The following CPAMD8 variants were observed in gnomAD, a reference collection of about 807,000 sequenced individuals.
CPAMD8 encodes C3 and PZP-like alpha-2-macroglobulin domain-containing protein 8.
Under a neutral mutation model 224.7 loss-of-function variants are expected in CPAMD8, and 146 were observed. That is an observed-to-expected ratio of 0.65 (90% CI 0.57 to 0.75). CPAMD8 has a LOEUF of 0.75. Among genes scored for constraint, CPAMD8 ranks in the 30% least tolerant of loss-of-function variants. The pLI is 0.00. For missense variants in CPAMD8, 2,301 were observed against 2,537.5 expected (o/e 0.91, Z 2.00); for synonymous variants, 966 against 1,044.6 (o/e 0.92, Z 1.45).
intron 3 of CPAMD8, among the ~76,000 whole-genome samples, chr19:17,013,117 G>T (rs1599914838): frequency 6.6e-6 from 1 of 152,074 alleles, no homozygotes; most frequent in African/African-American, 2.4e-5. Context: ...GGAGGCAGAG[G>T]TTGCATTGAG....
chr19:16,953,339 CA>C (rs80093904), intron 19 of CPAMD8, among the ~76,000 whole-genome samples: 28,892 of 94,290 alleles, frequency 0.31, 2,879 homozygotes, highest in Admixed American at 0.37. Context: ...AAGGTACAAG[CA>C]AAAAAAAAAA....
intron 35 of CPAMD8, 53 bp downstream of exon 35, chr19:16,902,596 C>T (rs2052304259): frequency 8.5e-7 from 1 of 1,175,418 alleles, no homozygotes; most frequent in Admixed American, 2.0e-5. Context: ...GCCATCCTCT[C>T]CGCACATTGC....
At chr19:16,920,041 G>A (rs543101913) in intron 27 of CPAMD8, among the ~76,000 whole-genome samples, 15 of 152,322 alleles carry the variant, frequency 9.8e-5, no homozygotes, top group East Asian at 7.7e-4. Context: ...CAGCTTCGGG[G>A]TGGGTGCTGC....
In CPAMD8 at chr19:17,022,494, CT is replaced by C. The variant is rs77770067; in HGVS notation, c.93-314del. ...CAGCTACTTCCTTCTGCCCCAGGAC[CT>C]TTTTTTTTTTTTCTTTTCCTGGAGA... On this transcript the variant is annotated intron_variant, in intron 1 of 41. Coordinates refer to ENST00000443236, the MANE Select transcript of CPAMD8 (RefSeq NM_015692.5). Among the ~76,000 whole-genome samples, 288 of 145,248 alleles carry C rather than the reference CT, an allele frequency of 2.0e-3. 2 individuals are homozygous for C. The highest frequency in any genetic ancestry group is 0.019 in the East Asian group (93 of 4,992).
chr19:16,983,839 C>CT (rs1568561943), intron 13 of CPAMD8, among the ~76,000 whole-genome samples: 1 of 152,056 alleles, frequency 6.6e-6, no homozygotes, highest in African/African-American at 2.4e-5. Context: ...TCTCAATGGC[C>CT]TTTTTTGCAG....
chr19:16,952,246 CATG>C, intron 19 of CPAMD8, 46 bp from the exon 20 acceptor site: 5 of 1,141,770 alleles, frequency 4.4e-6, no homozygotes, highest in Non-Finnish European at 6.4e-6. Flanking sequence ...TCTCCAGGGC[CATG>C]CCTCAGGGGG....
intron 20 of CPAMD8, among the ~76,000 whole-genome samples, chr19:16,950,970 T>A (rs953874603): frequency 6.6e-6 from 1 of 152,036 alleles, no homozygotes; most frequent in African/African-American, 2.4e-5. Context: ...GCTACCTTAC[T>A]AGCCCAAGGA....
At chr19:16,894,882 C>T (rs113676488) in intron 41 of CPAMD8, 62 of 216,488 alleles carry the variant, frequency 2.9e-4, no homozygotes, top group African/African-American at 1.3e-3. Flanking sequence ...ACAGCCATGG[C>T]ACTCCAGCTT....
chr19:17,002,312 A>G lies in CPAMD8; in HGVS notation c.712T>C (p.Tyr238His), dbSNP rs1222357122. Residue 238 changes from tyrosine to histidine, a missense_variant, in exon 9 of 42, where the codon TAT (tyrosine) becomes CAT (histidine). Physicochemically the swap from Tyr to His is moderately conservative, Grantham distance 83 (BLOSUM62 2). Transcript: ENST00000443236. ...KFELLIDPPR[Y>H]IQDLDACETG... ...TCACAGGCGTCCAGGTCTTGGATATACCGGGGCGGGTCAATCAGAAGCTCA... is the reference window on the plus strand; with the variant it reads ...TCACAGGCGTCCAGGTCTTGGATATGCCGGGGCGGGTCAATCAGAAGCTCA... The G allele has an allele frequency of 6.2e-7, 1 of 1,606,802 alleles. No homozygotes were observed. The highest frequency in any genetic ancestry group is 8.5e-7 in the Non-Finnish European group (1 of 1,175,964).
intron 36 of CPAMD8, 84 bp downstream of exon 36, chr19:16,901,126 G>T: frequency 1.2e-6 from 1 of 865,536 alleles, no homozygotes; most frequent in Non-Finnish European, 1.8e-6. Context: ...GGTCTGGACT[G>T]CCAGCCAGCC....
At chr19:16,897,471 C>T (rs1252980207) in intron 39 of CPAMD8, 8 of 561,116 alleles carry the variant, frequency 1.4e-5, no homozygotes, top group Admixed American at 6.8e-5. Flanking sequence ...CCCTTCCGCA[C>T]TTACCACTCC....
In CPAMD8 at chr19:17,026,762, C is replaced by G; in HGVS notation, c.-120G>C. On this transcript the variant is annotated 5_prime_UTR_variant, in exon 1 of 42. Transcript: ENST00000443236. ...CCGGGGGCCCTTTGTTCGCAGCCCC[C>G]GCGCAGTGCGCCCGGCGCCATGCGC... is the stretch of plus-strand genomic sequence containing the variant. 8 of 1,178,830 alleles carry G rather than the reference C, an allele frequency of 6.8e-6. No individual in the cohort carries two copies. Among genetic ancestry groups the G allele is most frequent in the South Asian group, 4.0e-5 (1 of 24,852 alleles). The allele number at this position is 1,178,830 out of a possible 1,614,324, so 73.0% of individuals were successfully genotyped here.
chr19:17,019,180 G>A (rs568603138), intron 3 of CPAMD8, among the ~76,000 whole-genome samples: 1 of 152,108 alleles, frequency 6.6e-6, no homozygotes, highest in African/African-American at 2.4e-5. Context: ...CTGGAGTGAA[G>A]TGGTGAGATC....
At chr19:16,916,036 A>T (rs2052944766) in intron 27 of CPAMD8, among the ~76,000 whole-genome samples, 1 of 149,798 alleles carries the variant, frequency 6.7e-6, no homozygotes, top group Non-Finnish European at 1.5e-5. Flanking sequence ...GCTTTTCAAG[A>T]CAGGGTCTTG....
intron 13 of CPAMD8, among the ~76,000 whole-genome samples, chr19:16,983,603 A>G (rs2055592738): frequency 6.6e-6 from 1 of 152,124 alleles, no homozygotes; most frequent in South Asian, 2.1e-4. Context: ...CAAGGAAAGA[A>G]TAAAATTTTC....
chr19:16,919,350 T>G (rs1176259816), intron 27 of CPAMD8, among the ~76,000 whole-genome samples: 1 of 152,230 alleles, frequency 6.6e-6, no homozygotes, highest in Non-Finnish European at 1.5e-5. Context: ...CGCCATGTTG[T>G]AAGAACACTC....
chr19:16,962,026 C>T (rs2054675060), intron 18 of CPAMD8, among the ~76,000 whole-genome samples: 1 of 152,148 alleles, frequency 6.6e-6, no homozygotes, highest in Non-Finnish European at 1.5e-5. Flanking sequence ...ACCAAAGCCC[C>T]ATCTGTAGGT....
chr19:16,957,767 C>T, intron 19 of CPAMD8, 86 bp downstream of exon 19: 2 of 1,245,876 alleles, frequency 1.6e-6, no homozygotes, highest in South Asian at 1.2e-5. Flanking sequence ...ATCAGGCCTG[C>T]CCATCTCACC....
Position 16,911,379 on chromosome 19 carries a change from T to C in CPAMD8, c.3861+3045A>G, listed in dbSNP as rs77717824. ...TTTTTTTTTGTTCTTTTTTTTTTTT[T>C]GAGACAGAGTCTGGCTTGGTTGCCC... On this transcript the variant is annotated intron_variant, in intron 29 of 41. Transcript: ENST00000443236. 1.2e-4 allele frequency among the ~76,000 whole-genome samples: 18 copies of C among 151,764 alleles called. No homozygotes were observed. The South Asian group carries it at 3.7e-3, about 32-fold the overall frequency.
Sources: allele counts gnomAD v4.1 joint callset (sites outside exome capture counted in the v4.1 genomes callset), GRCh38; gene constraint gnomAD v4.1.1; transcripts MANE v1.5; gene names NCBI Gene and HGNC (gene_info 2026-07-23, HGNC 2026-07-21).